GLT8D2: variants seen among roughly 807,000 people sequenced by gnomAD.
GLT8D2 encodes the protein glycosyltransferase 8 domain containing 2, also known as glycosyltransferase 8 domain-containing protein 2.
GLT8D2 carries 45 observed loss-of-function variants against 44.5 expected under a neutral mutation model. The ratio of observed to expected loss-of-function variants is 1.01; its 90% CI spans 0.80 to 1.30. The LOEUF is 1.30. Ranked by LOEUF, GLT8D2 falls within the 50% of genes most tolerant of loss-of-function variation. The pLI is 0.00. For synonymous variants in GLT8D2, 156 were observed against 157.2 expected, an observed-to-expected ratio of 0.99 and a Z score of 0.06; for missense variants, 400 against 430.4, an observed-to-expected ratio of 0.93 and a Z score of 0.62.
At chr12:103,994,575 A>C in intron 8 of GLT8D2, 74 bp from the exon 9 acceptor site, 8 of 1,347,140 alleles carry the variant, frequency 5.9e-6, no homozygotes, top group South Asian at 3.1e-5. Flanking sequence ...TTTTCTTGAA[A>C]CCCTTGTGCA....
intron 8 of GLT8D2, among the ~76,000 whole-genome samples, chr12:103,995,772 C>T (rs936731758): frequency 3.9e-5 from 6 of 152,214 alleles, no homozygotes; most frequent in Non-Finnish European, 7.3e-5. Context: ...CTGTTATCAT[C>T]TATAATTCCT....
chr12:103,996,384 T>C (rs1266362782), intron 8 of GLT8D2, among the ~76,000 whole-genome samples: 1 of 152,240 alleles, frequency 6.6e-6, no homozygotes, highest in African/African-American at 2.4e-5. Flanking sequence ...ATGAGCAACC[T>C]AGGTAACAAT....
At chr12:104,017,889 T>C (rs1339983909) in intron 3 of GLT8D2, among the ~76,000 whole-genome samples, 1 of 152,238 alleles carries the variant, frequency 6.6e-6, no homozygotes, top group East Asian at 1.9e-4. Flanking sequence ...CTCGCACTAC[T>C]GTTTTGAGAG....
intron 5 of GLT8D2, among the ~76,000 whole-genome samples, chr12:104,002,859 T>C (rs772309457): frequency 1.1e-4 from 17 of 152,028 alleles, no homozygotes; most frequent in African/African-American, 1.7e-4. Flanking sequence ...ACAGAAGGAT[T>C]GCTTGAGCCA....
intron 1 of GLT8D2, among the ~76,000 whole-genome samples, chr12:104,044,435 A>T (rs1230411126): frequency 2.6e-5 from 4 of 152,230 alleles, no homozygotes; most frequent in Non-Finnish European, 4.4e-5. Context: ...TGGCAATATA[A>T]GCCCTCAGAA....
At chr12:104,043,771 C>T (rs1030193084) in intron 1 of GLT8D2, among the ~76,000 whole-genome samples, 5 of 152,098 alleles carry the variant, frequency 3.3e-5, no homozygotes, top group African/African-American at 1.2e-4. Context: ...CCGGCTGTGA[C>T]TCCGTTTTTT....
chr12:104,030,291 G>C (rs954021635), intron 1 of GLT8D2, among the ~76,000 whole-genome samples: 1 of 151,698 alleles, frequency 6.6e-6, no homozygotes, highest in South Asian at 2.1e-4. Context: ...TGGGAAAACT[G>C]GATATTAACA....
At chr12:104,011,024 C>T (rs1875763614) in intron 4 of GLT8D2, among the ~76,000 whole-genome samples, 1 of 152,172 alleles carries the variant, frequency 6.6e-6, no homozygotes, top group South Asian at 2.1e-4. Context: ...GCTCTGCTGC[C>T]AACACATGAC....
At chr12:104,032,130 AT>A (rs1387917139) in intron 1 of GLT8D2, among the ~76,000 whole-genome samples, 1 of 147,982 alleles carries the variant, frequency 6.8e-6, no homozygotes, top group Non-Finnish European at 1.5e-5. Flanking sequence ...GTATATATAA[AT>A]AATACAAAAC....
intron 1 of GLT8D2, among the ~76,000 whole-genome samples, chr12:104,062,186 A>G (rs912086497): frequency 6.0e-5 from 9 of 151,256 alleles, no homozygotes; most frequent in Non-Finnish European, 1.3e-4. Context: ...TGATTCTCCT[A>G]CCTCAGCCTC....
chr12:104,029,702 A>G (rs1879020521), intron 1 of GLT8D2: 1 of 152,230 alleles, frequency 6.6e-6, no homozygotes, highest in African/African-American at 2.4e-5. Flanking sequence ...TTACAACAGT[A>G]CTTGGCAAAC....
At chr12:104,047,581 C>T (rs780512585) in intron 1 of GLT8D2, among the ~76,000 whole-genome samples, 2 of 152,168 alleles carry the variant, frequency 1.3e-5, no homozygotes, top group African/African-American at 2.4e-5. Context: ...GCTGGGATTA[C>T]AGGTGTGAGC....
At chr12:104,042,494 T>A (rs768043647) in intron 1 of GLT8D2, among the ~76,000 whole-genome samples, 2 of 152,178 alleles carry the variant, frequency 1.3e-5, no homozygotes, top group Non-Finnish European at 2.9e-5. Context: ...GACATTCCAG[T>A]AGATTAAGTA....
At position 103,997,516 on chromosome 12, in the gene GLT8D2, T is replaced by C; in HGVS notation, c.422A>G (p.Tyr141Cys). The C allele has an allele frequency of 1.2e-6, 2 of 1,613,472 alleles. No individual in the cohort carries two copies. Among genetic ancestry groups the C allele is most frequent in the Non-Finnish European group, 1.7e-6 (2 of 1,179,476 alleles). Residue 141 changes from tyrosine to cysteine, a missense_variant, in exon 7 of 11, where the codon TAT becomes TGT. By Grantham distance (194) the Tyr-to-Cys change is radical. Coordinates refer to ENST00000360814, the MANE Select transcript of GLT8D2 (RefSeq NM_001384711.1). ...GTGTTGGTGGATAAGTAGAGGGAGA[T>C]AAAATCGAACAAAGTTCAGCTGTTA... ...LLQPLNFVRF[Y>C]LPLLIHQHEK... is the part of the protein sequence containing the mutation.
At chr12:104,001,836 T>C (rs1369992863) in intron 5 of GLT8D2, among the ~76,000 whole-genome samples, 1 of 152,144 alleles carries the variant, frequency 6.6e-6, no homozygotes, top group Non-Finnish European at 1.5e-5. Flanking sequence ...CCCCAGTAGC[T>C]AGGATTACAG....
intron 1 of GLT8D2, among the ~76,000 whole-genome samples, chr12:104,038,120 A>C (rs1880112962): frequency 6.6e-6 from 1 of 152,212 alleles, no homozygotes; most frequent in South Asian, 2.1e-4. Flanking sequence ...ACTCTCAATA[A>C]ACTAGGTACT....
chr12:104,006,802 C>T (rs118102593), intron 4 of GLT8D2, among the ~76,000 whole-genome samples: 1,616 of 152,290 alleles, frequency 0.011, 17 homozygotes, highest in Non-Finnish European at 0.013. Flanking sequence ...GATCATAACA[C>T]AAAATCTATT....
At chr12:104,012,798 T>C in intron 4 of GLT8D2, 1 of 698,828 alleles carries the variant, frequency 1.4e-6, no homozygotes, top group Non-Finnish European at 2.6e-6. Flanking sequence ...AGCCATTTGG[T>C]AGGCCTTATC....
intron 4 of GLT8D2, among the ~76,000 whole-genome samples, chr12:104,011,405 CG>C (rs1295218850): frequency 2.6e-5 from 4 of 152,204 alleles, no homozygotes; most frequent in Admixed American, 6.5e-5. Flanking sequence ...GATCAAGCCA[CG>C]CCTATTCCTA....
Sources: gnomAD v4.1 joint callset for allele counts (sites outside exome capture counted in the v4.1 genomes callset) on GRCh38, gnomAD v4.1.1 for gene constraint, MANE v1.5 for transcripts, NCBI Gene and HGNC (gene_info 2026-07-23, HGNC 2026-07-21) for gene names.